WDR82: variants seen among roughly 807,000 people sequenced by gnomAD.
The protein encoded by WDR82 is WD repeat domain 82, also known as WD repeat-containing protein 82.
WDR82 carries 8 observed loss-of-function variants against 36.1 expected under a neutral mutation model. The observed-to-expected ratio is 0.22, with a 90% CI of 0.13 to 0.40. The LOEUF (loss-of-function observed/expected upper bound fraction) is 0.40, where lower values mean the gene tolerates loss of function less well. WDR82 is among the 10% of genes least tolerant of loss of function. The pLI is 1.00. For missense variants in WDR82, 185 were observed against 400.5 expected, an observed-to-expected ratio of 0.46 and a Z score of 4.59; for synonymous variants, 129 against 137.8, an observed-to-expected ratio of 0.94 and a Z score of 0.45.
At position 52,255,856 on chromosome 3, in the gene WDR82, T is replaced by TG. The variant is rs1700001163; in HGVS notation, c.*1633dup. 1 of 152,330 alleles carries TG rather than the reference T, an allele frequency of 6.6e-6. No individual in the cohort carries two copies. The highest frequency in any genetic ancestry group is 2.4e-5 in the African/African-American group (1 of 41,454). 9.4% of individuals were successfully genotyped at this position (152,330 alleles called of 1,614,324 possible). A position where few individuals can be genotyped will look rare whatever the true frequency, so the allele number is the denominator to read the frequency against. On this transcript the variant is annotated 3_prime_UTR_variant, in exon 9 of 9. Transcript: ENST00000296490. ...CAGCTGCAGCTCATCTCACTCAGCCTGGGCCTGACCAGAGTCCTTTCCTCT... is the reference window on the plus strand; with the variant it reads ...CAGCTGCAGCTCATCTCACTCAGCCTGGGGCCTGACCAGAGTCCTTTCCTCT...
In WDR82 at chr3:52,259,255, G is replaced by A; in HGVS notation, c.711C>T (p.Asn237=). The change falls in exon 7 of 9, where the codon AAC becomes AAT. Residue 237 remains asparagine, a synonymous_variant. Transcript: ENST00000296490. ...AAGCCTCCAGTGTGACAGCTTTGCT[G>A]TTGGCATAACCCTAAAACAAAACAG... ...VVMHTFGGYA[N]SKAVTLEASF... 6.2e-7 allele frequency: 1 copy of A among 1,614,198 alleles called. No homozygotes were observed. The highest frequency in any genetic ancestry group is 1.3e-5 in the African/African-American group (1 of 75,078).
chr3:52,278,631 G>A lies in WDR82; in HGVS notation c.-270C>T, dbSNP rs1049916378. 2.3e-5 allele frequency: 9 copies of A among 397,936 alleles called. No homozygotes were observed. The highest frequency in any genetic ancestry group is 1.9e-4 in the African/African-American group (9 of 48,492). 24.7% of individuals were successfully genotyped at this position (397,936 alleles called of 1,614,324 possible). On this transcript the variant is annotated 5_prime_UTR_variant, in exon 1 of 9. Transcript: ENST00000296490. ...GGCTCATTGTGTCCGCCATTTTGGGGCGACAGGCAGAAGCTGAGGGCGAGG... is the reference window on the plus strand; with the variant it reads ...GGCTCATTGTGTCCGCCATTTTGGGACGACAGGCAGAAGCTGAGGGCGAGG...
In WDR82 at chr3:52,278,607, G is replaced by T; in HGVS notation, c.-246C>A. On this transcript the variant is annotated 5_prime_UTR_variant, in exon 1 of 9. Coordinates refer to ENST00000296490, the MANE Select transcript of WDR82 (RefSeq NM_025222.4). ...CTCACGGACAACCGGCGCGTCGCCG[G>T]CTCATTGTGTCCGCCATTTTGGGGC... is the stretch of plus-strand genomic sequence containing the variant. 2.5e-6 allele frequency: 1 copy of T among 401,262 alleles called. No homozygotes were observed. The highest frequency in any genetic ancestry group is 4.4e-6 in the Non-Finnish European group (1 of 228,836). 24.9% of individuals were successfully genotyped at this position (401,262 alleles called of 1,614,324 possible).
At chr3:52,262,356 T>C (rs1173392641) in intron 3 of WDR82, among the ~76,000 whole-genome samples, 1 of 152,214 alleles carries the variant, frequency 6.6e-6, no homozygotes, top group African/African-American at 2.4e-5. Flanking sequence ...TAAAAACCAC[T>C]GAACTGTACA....
chr3:52,273,395 T>C (rs1234659712), intron 1 of WDR82, among the ~76,000 whole-genome samples: 2 of 151,740 alleles, frequency 1.3e-5, no homozygotes, highest in Non-Finnish European at 2.9e-5. Flanking sequence ...CGCGCCATTG[T>C]ACTCCGACCT....
rs1305494436 is a variant in WDR82, at chr3:52,270,849, C to T, written c.162-40G>A. 7 of 1,471,676 alleles carry T rather than the reference C, an allele frequency of 4.8e-6. No individual in the cohort carries two copies. In the African/African-American group the frequency reaches 8.5e-5, roughly 18 times the overall value. 91.2% of individuals were successfully genotyped at this position (1,471,676 alleles called of 1,614,324 possible). ...GAGACAGAAAATCATGAACATTCTC[C>T]ATCATCAAAATCTGGGATCTCCACA... is the stretch of plus-strand genomic sequence containing the variant. On this transcript the variant is annotated intron_variant, in intron 1 of 8. Transcript: ENST00000296490.
At position 52,260,858 on chromosome 3, in the gene WDR82, G is replaced by A. The variant is rs1207149920; in HGVS notation, c.427-357C>T. 7.9e-5 allele frequency among the ~76,000 whole-genome samples: 12 copies of A among 152,354 alleles called. 1 individual carries two copies. Among genetic ancestry groups the A allele is most frequent in the African/African-American group, 1.4e-4 (6 of 41,584 alleles). ...TTTAAAAACATTAAGCCAGCTGGGCGCAGTGGCTCACGCCTATAATCCCAG... is the reference window on the plus strand; with the variant it reads ...TTTAAAAACATTAAGCCAGCTGGGCACAGTGGCTCACGCCTATAATCCCAG... On this transcript the variant is annotated intron_variant, in intron 4 of 8. Coordinates refer to ENST00000296490, the MANE Select transcript of WDR82 (RefSeq NM_025222.4).
intron 8 of WDR82, 92 bp downstream of exon 8, chr3:52,258,444 T>C (rs1700031264): frequency 1.4e-6 from 2 of 1,434,272 alleles, no homozygotes; most frequent in African/African-American, 2.8e-5. Context: ...AATGTACCTA[T>C]GTAGAACACA....
chr3:52,258,055 A>G (rs959544573), intron 8 of WDR82, among the ~76,000 whole-genome samples: 3 of 152,166 alleles, frequency 2.0e-5, no homozygotes, highest in Non-Finnish European at 4.4e-5. Context: ...GCTGAGACTC[A>G]CTGATCCTTT....
Position 52,257,153 on chromosome 3 carries a change from C to T in WDR82, c.*337G>A, listed in dbSNP as rs1210609168. ...GGATGTGCGGAACTGATGACTTCAC[C>T]GGCTCCTCAGCAGCATGTACATTCA... On this transcript the variant is annotated 3_prime_UTR_variant, in exon 9 of 9. Transcript: ENST00000296490. 3.0e-5 allele frequency: 10 copies of T among 329,862 alleles called. No homozygotes were observed. Among genetic ancestry groups the T allele is most frequent in the East Asian group, 1.3e-4 (2 of 15,278 alleles). 20.4% of individuals were successfully genotyped at this position (329,862 alleles called of 1,614,324 possible). A position where few individuals can be genotyped will look rare whatever the true frequency, so the allele number is the denominator to read the frequency against.
intron 3 of WDR82, 71 bp from the exon 4 acceptor site, chr3:52,261,550 C>T: frequency 7.4e-7 from 1 of 1,344,884 alleles, no homozygotes; most frequent in East Asian, 2.4e-5. Flanking sequence ...TTCTAAACCA[C>T]TCTGCCTATC....
chr3:52,272,483 G>A (rs1364390633), intron 1 of WDR82, among the ~76,000 whole-genome samples: 1 of 148,026 alleles, frequency 6.8e-6, no homozygotes, highest in Non-Finnish European at 1.5e-5. Flanking sequence ...GGCAGAGATT[G>A]TAGTGAGCTG....
At chr3:52,271,077 A>G (rs961997900) in intron 1 of WDR82, among the ~76,000 whole-genome samples, 12 of 142,010 alleles carry the variant, frequency 8.5e-5, no homozygotes, top group Non-Finnish European at 1.9e-4. Flanking sequence ...TCTTTACTAC[A>G]ATGTTCAAAA....
At chr3:52,259,571 A>T in intron 6 of WDR82, 146 bp downstream of exon 6, 1 of 1,018,804 alleles carries the variant, frequency 9.8e-7, no homozygotes, top group Non-Finnish European at 1.4e-6. Context: ...CAAGAGAGGT[A>T]AGTTCATGAG....
chr3:52,276,773 G>C (rs972369179), intron 1 of WDR82, among the ~76,000 whole-genome samples: 2 of 152,044 alleles, frequency 1.3e-5, no homozygotes, highest in African/African-American at 2.4e-5. Flanking sequence ...GAGTAACACT[G>C]ACTCAAATAA....
At chr3:52,270,086 G>C (rs1230601998) in intron 2 of WDR82, among the ~76,000 whole-genome samples, 1 of 152,134 alleles carries the variant, frequency 6.6e-6, no homozygotes, top group African/African-American at 2.4e-5. Flanking sequence ...TTTATCACTT[G>C]CTGTGTATCA....
intron 2 of WDR82, among the ~76,000 whole-genome samples, chr3:52,269,551 A>G (rs1360858661): frequency 6.6e-6 from 1 of 152,010 alleles, no homozygotes; most frequent in Non-Finnish European, 1.5e-5. Flanking sequence ...TAACATGGTG[A>G]AACCCTGTCT....
In WDR82 at chr3:52,260,714, A is replaced by C. The variant is rs574789345; in HGVS notation, c.427-213T>G. ...ACAAAAAAAACATAAAACTAAAATGAAGCTTTTAAAAAACAGGTCTCCAGA... is the reference window on the plus strand; with the variant it reads ...ACAAAAAAAACATAAAACTAAAATGCAGCTTTTAAAAAACAGGTCTCCAGA... On this transcript the variant is annotated intron_variant, in intron 4 of 8. Coordinates refer to ENST00000296490, the MANE Select transcript of WDR82 (RefSeq NM_025222.4). 3.9e-5 allele frequency among the ~76,000 whole-genome samples: 6 copies of C among 152,384 alleles called. No individual in the cohort carries two copies. In the South Asian group the frequency reaches 1.2e-3, roughly 32 times the overall value.
At chr3:52,268,408 G>A in intron 2 of WDR82, 1 of 464,492 alleles carries the variant, frequency 2.2e-6, no homozygotes, top group Non-Finnish European at 4.5e-6. Flanking sequence ...TCTTCAGGAT[G>A]CACTTGAGAC....
Sources: allele counts gnomAD v4.1 joint callset (sites outside exome capture counted in the v4.1 genomes callset), GRCh38; gene constraint gnomAD v4.1.1; transcripts MANE v1.5; gene names NCBI Gene and HGNC (gene_info 2026-07-23, HGNC 2026-07-21).